Variants in SLTM observed in about 807,000 individuals in gnomAD.
The protein encoded by SLTM is SAFB-like transcription modulator.
SLTM carries 43 observed loss-of-function variants against 134.6 expected under a neutral mutation model. The ratio of observed to expected loss-of-function variants is 0.32; its 90% CI spans 0.25 to 0.41. SLTM has a LOEUF of 0.41. SLTM is among the 10% of genes least tolerant of loss of function. SLTM has a pLI of 1.00. For missense variants in SLTM, 1,055 were observed against 1,288.8 expected, an observed-to-expected ratio of 0.82 and a Z score of 2.78; for synonymous variants, 424 against 432.3, an observed-to-expected ratio of 0.98 and a Z score of 0.24.
chr15:58,916,999 C>G lies in SLTM; in HGVS notation c.251G>C (p.Gly84Ala). The G allele has an allele frequency of 6.2e-7, 1 of 1,613,342 alleles. No homozygotes were observed. Among genetic ancestry groups the G allele is most frequent in the Non-Finnish European group, 8.5e-7 (1 of 1,179,592 alleles). Reference sequence around the variant, plus strand: ...CAACTCATCTGCTTCATGTTTTTTACCTGCGAAAGAAGGAAAATGGGCTAA... The same window carrying G: ...CAACTCATCTGCTTCATGTTTTTTAGCTGCGAAAGAAGGAAAATGGGCTAA... ...TPNKKPTKGK[G>A]KKHEADELSG... The change falls in exon 3 of 21, where the codon GGT (glycine) becomes GCT (alanine). Residue 84 changes from glycine (G) to alanine (A), a missense_variant and splice_region_variant. Physicochemically the swap from Gly to Ala is moderately conservative, Grantham distance 60 (BLOSUM62 0). Transcript: ENST00000380516.
chr15:58,933,626 CA>C lies in SLTM; in HGVS notation c.-62del, dbSNP rs1174936956. 26 of 1,458,660 alleles carry C rather than the reference CA, an allele frequency of 1.8e-5. No individual in the cohort carries two copies. The highest frequency in any genetic ancestry group is 2.4e-5 in the Non-Finnish European group (26 of 1,105,964). 90.4% of individuals were successfully genotyped at this position (1,458,660 alleles called of 1,614,324 possible). A position where few individuals can be genotyped will look rare whatever the true frequency, so the allele number is the denominator to read the frequency against. On this transcript the variant is annotated 5_prime_UTR_variant, in exon 1 of 21. Coordinates refer to ENST00000380516, the MANE Select transcript of SLTM (RefSeq NM_024755.4). ...GGCTGCAGGGCGGCGGCAGCAGCGCCAACTTCCACCCAGGCCTCGGCGGCCG... is the reference window on the plus strand; with the variant it reads ...GGCTGCAGGGCGGCGGCAGCAGCGCCACTTCCACCCAGGCCTCGGCGGCCG...
rs745988139 is a variant in SLTM at position 58,898,787 on chromosome 15, GA to G, written c.1108+15del. The stretch of plus-strand genomic sequence containing the variant: ...CAATGTCAACACTGAAATAAATAGG[GA>G]AAAAAATTCTTTACCTTTGTCATCT... On this transcript the variant is annotated intron_variant, in intron 8 of 20. Transcript: ENST00000380516. The G allele has an allele frequency of 2.8e-5, 44 of 1,584,360 alleles. No individual in the cohort carries two copies. Among genetic ancestry groups the G allele is most frequent in the Non-Finnish European group, 3.4e-5 (39 of 1,158,840 alleles).
At chr15:58,901,154 A>G in intron 6 of SLTM, 106 bp downstream of exon 6, 4 of 894,582 alleles carry the variant, frequency 4.5e-6, no homozygotes, top group Non-Finnish European at 5.3e-6. Flanking sequence ...GATAAATTTG[A>G]AAATAAACTA....
rs181420623 is a variant in SLTM at position 58,899,458 on chromosome 15, G to T, written c.1058+11C>A. 9.8e-4 allele frequency: 1,580 copies of T among 1,610,252 alleles called. 2 individuals are homozygous for T. The highest frequency in any genetic ancestry group is 1.3e-3 in the Non-Finnish European group (1,482 of 1,177,288). On this transcript the variant is annotated intron_variant, in intron 7 of 20. Coordinates refer to ENST00000380516, the MANE Select transcript of SLTM (RefSeq NM_024755.4). The surrounding 1 kb of genome is among the most constrained non-coding windows in gnomAD (Gnocchi z 5.0). ...TTCAGTATCGTAAAGAACTGACATA[G>T]AAAAACAAACCTCTTTGCTTGACCA...
intron 3 of SLTM, among the ~76,000 whole-genome samples, chr15:58,916,178 CTTTTTT>C (rs11455727): frequency 2.2e-5 from 3 of 138,676 alleles, no homozygotes; most frequent in Admixed American, 7.3e-5. Context: ...CTCTCTCTCT[CTTTTTT>C]TTTTTTTTTG....
chr15:58,903,731 G>A (rs1295019929), intron 5 of SLTM, among the ~76,000 whole-genome samples: 2 of 151,042 alleles, frequency 1.3e-5, no homozygotes, highest in South Asian at 2.1e-4. Flanking sequence ...AAAAAAGAAT[G>A]TGCATCTCTA....
At chr15:58,891,646 C>T (rs1457580125) in intron 14 of SLTM, among the ~76,000 whole-genome samples, 1 of 152,168 alleles carries the variant, frequency 6.6e-6, no homozygotes, top group Non-Finnish European at 1.5e-5. Flanking sequence ...GTCCCATTCT[C>T]AGTGAGTCTA....
intron 9 of SLTM, 52 bp from the exon 10 acceptor site, chr15:58,894,634 G>A: frequency 6.5e-7 from 1 of 1,540,502 alleles, no homozygotes. Context: ...CAAGTACACA[G>A]ACTTCTAAAT....
chr15:58,893,056 T>C lies in SLTM; in HGVS notation c.1739A>G (p.His580Arg), dbSNP rs745704093. ...TCTCTCCTTTTCCTTACTTCTTCCA[T>C]GAATCTGTAGAAAAAAATTAGAAGA... ...PSRRGRYEKI[H>R]GRSKEKERAS... The change falls in exon 14 of 21, where the codon CAT (histidine) becomes CGT (arginine). Residue 580 changes from histidine (H) to arginine (R), a missense_variant. By Grantham distance (29) the His-to-Arg change is conservative (BLOSUM62 0). This residue lies in a region of SLTM where 776 missense variants were observed against 962.2 expected (regional missense o/e 0.81). Transcript: ENST00000380516. 6.3e-7 allele frequency: 1 copy of C among 1,574,856 alleles called. No individual in the cohort carries two copies. The highest frequency in any genetic ancestry group is 1.2e-5 in the South Asian group (1 of 83,510).
chr15:58,888,595 T>C, intron 16 of SLTM, 40 bp from the exon 17 acceptor site: 1 of 1,601,092 alleles, frequency 6.2e-7, no homozygotes, highest in Non-Finnish European at 8.5e-7. Context: ...AAATTAGTTC[T>C]ACAGTAATCA....
chr15:58,929,106 A>G (rs146023741), intron 2 of SLTM, among the ~76,000 whole-genome samples: 1,972 of 152,328 alleles, frequency 0.013, 30 homozygotes, highest in Non-Finnish European at 0.018. Context: ...TTTTCAATGT[A>G]GATACCAGTA....
rs535400695 is a variant in SLTM at position 58,907,628 on chromosome 15, AC to A, written c.561+4934del. 3.2e-4 allele frequency among the ~76,000 whole-genome samples: 49 copies of A among 152,240 alleles called. No homozygotes were observed. The East Asian group carries it at 9.4e-3, about 29-fold the overall frequency. ...AGAGCAAGACCAGGTCTCAACAACA[AC>A]AACAACAACAAAATTAAAGTATTAG... On this transcript the variant is annotated intron_variant, in intron 5 of 20. Transcript: ENST00000380516.
chr15:58,883,192 G>A (rs1323217961), intron 20 of SLTM, among the ~76,000 whole-genome samples: 1 of 152,218 alleles, frequency 6.6e-6, no homozygotes, highest in African/African-American at 2.4e-5. Flanking sequence ...GCACATGCCT[G>A]TAATCCCAGC....
intron 8 of SLTM, chr15:58,898,223 TA>T (rs1726802560): frequency 6.6e-6 from 1 of 152,184 alleles, no homozygotes; most frequent in African/African-American, 2.4e-5. Flanking sequence ...TATTTTCCCT[TA>T]AAATCCTTTT....
intron 19 of SLTM, among the ~76,000 whole-genome samples, chr15:58,885,821 AAC>A (rs59007619): frequency 1.9e-4 from 28 of 151,154 alleles, no homozygotes; most frequent in East Asian, 5.8e-4. Flanking sequence ...AAAAAACAAC[AAC>A]ACACACACAC....
At chr15:58,914,085 T>C (rs1595906968) in intron 3 of SLTM, among the ~76,000 whole-genome samples, 1 of 152,238 alleles carries the variant, frequency 6.6e-6, no homozygotes. Flanking sequence ...TAAAACAAAG[T>C]TTATTTCTAA....
At position 58,883,777 on chromosome 15, in the gene SLTM, C is replaced by A. The variant is rs774704897; in HGVS notation, c.2845G>T (p.Glu949Ter). ...DRGGGSQHYP[E>*]ERHVVERHGR... ...TGGCGTTCAACCACATGTCGCTCCT[C>A]AGGATAGTGCTAAAAGAATAGCATA... The change falls in exon 20 of 21, where the codon GAG (glutamate) becomes TAG (stop). Residue 949 changes from glutamate (E) to a stop codon, truncating the protein, a stop_gained. Coordinates refer to ENST00000380516, the MANE Select transcript of SLTM (RefSeq NM_024755.4). LOFTEE classifies it high-confidence loss of function. 6.2e-7 allele frequency: 1 copy of A among 1,614,000 alleles called. No homozygotes were observed. The highest frequency in any genetic ancestry group is 1.7e-5 in the Admixed American group (1 of 59,992).
chr15:58,912,517 C>G (rs2036350943), intron 5 of SLTM, 46 bp downstream of exon 5: 1 of 1,495,006 alleles, frequency 6.7e-7, no homozygotes, highest in African/African-American at 1.4e-5. Flanking sequence ...TTTTCCAAGC[C>G]CGTCCACCCA....
chr15:58,881,256 G>A (rs1390697633), intron 20 of SLTM, among the ~76,000 whole-genome samples: 2 of 152,162 alleles, frequency 1.3e-5, no homozygotes, highest in African/African-American at 4.8e-5. Context: ...GGGTGTGGTG[G>A]TTCACACCTA....
Sources: allele counts gnomAD v4.1 joint callset (sites outside exome capture counted in the v4.1 genomes callset), GRCh38; gene constraint gnomAD v4.1.1; regional missense constraint gnomAD v4.1.1; non-coding constraint Gnocchi (gnomAD v3.1); transcripts MANE v1.5; gene names NCBI Gene and HGNC (gene_info 2026-07-23, HGNC 2026-07-21).